Variants in DNAI7 observed in about 807,000 individuals in gnomAD.
The protein encoded by DNAI7 is cancer susceptibility 1.
DNAI7 carries 78 observed loss-of-function variants against 86.6 expected under a neutral mutation model. That is an observed-to-expected ratio of 0.90 (90% CI 0.75 to 1.09). The LOEUF (loss-of-function observed/expected upper bound fraction) is 1.09. Ranked by LOEUF, DNAI7 falls within the 50% of genes least tolerant of loss-of-function variation. DNAI7 has a pLI of 0.00. For synonymous variants in DNAI7, 274 were observed against 273.0 expected (o/e 1.00, Z -0.04); for missense variants, 753 against 810.2 (o/e 0.93, Z 0.86).
chr12:25,127,471 T>C (rs1942311058), intron 9 of DNAI7, among the ~76,000 whole-genome samples: 1 of 152,228 alleles, frequency 6.6e-6, no homozygotes, highest in African/African-American at 2.4e-5. Flanking sequence ...TAGTATTTTG[T>C]CAAGTCTCAA....
intron 13 of DNAI7, 126 bp downstream of exon 13, chr12:25,114,530 C>T: frequency 1.6e-6 from 1 of 609,032 alleles, no homozygotes; most frequent in Non-Finnish European, 2.9e-6. Flanking sequence ...TTTTTAAGGT[C>T]ATTATAAGAC....
chr12:25,167,425 C>A (rs1289715904), intron 2 of DNAI7, among the ~76,000 whole-genome samples: 1 of 152,132 alleles, frequency 6.6e-6, no homozygotes, highest in African/African-American at 2.4e-5. Context: ...AATACTTCCA[C>A]CCTGATGAAG....
In DNAI7 at chr12:25,155,315, G is replaced by T. The variant is rs923298950; in HGVS notation, c.296C>A (p.Ser99Tyr). 2 of 1,575,680 alleles carry T rather than the reference G, an allele frequency of 1.3e-6. No homozygotes were observed. Among genetic ancestry groups the T allele is most frequent in the Admixed American group, 1.7e-5 (1 of 58,808 alleles). The change falls in exon 5 of 16, where the codon TCT (serine) becomes TAT (tyrosine). Residue 99 changes from serine (S) to tyrosine (Y), a missense_variant. Coordinates refer to ENST00000395987, the MANE Select transcript of DNAI7 (RefSeq NM_018272.5). ...AAAAAGAGAAATCAGTCCTACCTGA[G>T]AAAGCAATTTAGTTTCCTGTTTCAA... ...EKLKQETKLL[S>Y]QWKHYIQCDG...
At chr12:25,162,052 T>C (rs367926388) in intron 2 of DNAI7, among the ~76,000 whole-genome samples, 2 of 152,152 alleles carry the variant, frequency 1.3e-5, no homozygotes, top group South Asian at 4.1e-4. Flanking sequence ...AGAGTGTTTA[T>C]AGAATAGATG....
chr12:25,169,072 TTTTA>T (rs1244310648), intron 2 of DNAI7, among the ~76,000 whole-genome samples: 1 of 152,164 alleles, frequency 6.6e-6, no homozygotes, highest in Non-Finnish European at 1.5e-5. Context: ...CACTATTTCA[TTTTA>T]TTTTTCTTAT....
In DNAI7 at chr12:25,129,916, C is replaced by T. The variant is rs531076587; in HGVS notation, c.1003-6630G>A. Among the ~76,000 whole-genome samples the T allele has an allele frequency of 2.0e-4, 30 of 152,128 alleles. 2 individuals are homozygous for T. In the South Asian group the frequency reaches 6.0e-3, roughly 31 times the overall value. ...TGGCTGGGATTACAGGTACCTGCCA[C>T]CATACCTGGCTAATTTTGTATTTTT... On this transcript the variant is annotated intron_variant, in intron 9 of 15. Transcript: ENST00000395987.
intron 2 of DNAI7, among the ~76,000 whole-genome samples, chr12:25,177,685 G>A (rs1456642789): frequency 1.3e-5 from 2 of 152,072 alleles, no homozygotes; most frequent in African/African-American, 4.8e-5. Context: ...TAAAACTGAT[G>A]GGTACGTACA....
chr12:25,147,251 T>C (rs956669405), intron 7 of DNAI7, 147 bp from the exon 8 acceptor site: 1 of 547,228 alleles, frequency 1.8e-6, no homozygotes, highest in African/African-American at 2.0e-5. Context: ...TCAATCAACA[T>C]GACAAAGAAT....
chr12:25,177,057 C>T (rs1348924023), intron 2 of DNAI7, among the ~76,000 whole-genome samples: 1 of 151,856 alleles, frequency 6.6e-6, no homozygotes, highest in African/African-American at 2.4e-5. Flanking sequence ...TGCCCACCAC[C>T]CTGCCTGGCT....
intron 2 of DNAI7, among the ~76,000 whole-genome samples, chr12:25,165,653 G>C (rs11614377): frequency 0.018 from 2,446 of 135,264 alleles, 56 homozygotes; most frequent in Non-Finnish European, 0.021. Flanking sequence ...GGAAGCCTAC[G>C]GGACCATCAC....
chr12:25,135,490 G>A (rs1308874776), intron 9 of DNAI7, among the ~76,000 whole-genome samples: 1 of 152,150 alleles, frequency 6.6e-6, no homozygotes, highest in African/African-American at 2.4e-5. Flanking sequence ...AACAGGGGAT[G>A]GGGGGCGGTG....
At chr12:25,150,327 G>A (rs983357811) in intron 6 of DNAI7, among the ~76,000 whole-genome samples, 20 of 152,216 alleles carry the variant, frequency 1.3e-4, no homozygotes, top group Non-Finnish European at 2.5e-4. Flanking sequence ...AATGGAGGCC[G>A]GGCGCAGTGG....
intron 1 of DNAI7, among the ~76,000 whole-genome samples, chr12:25,191,531 C>T (rs1039229046): frequency 2.6e-5 from 4 of 151,880 alleles, no homozygotes; most frequent in East Asian, 1.9e-4. Context: ...GGTGAAACCC[C>T]GTCTCTACTA....
At chr12:25,183,586 T>C (rs925604528) in intron 2 of DNAI7, among the ~76,000 whole-genome samples, 1 of 151,302 alleles carries the variant, frequency 6.6e-6, no homozygotes, top group Admixed American at 6.7e-5. Flanking sequence ...CCAACTTTTC[T>C]GTATTTAAAT....
intron 9 of DNAI7, among the ~76,000 whole-genome samples, chr12:25,141,671 A>G (rs1265992913): frequency 6.6e-6 from 1 of 152,156 alleles, no homozygotes; most frequent in Non-Finnish European, 1.5e-5. Flanking sequence ...TCTACTAAAA[A>G]TACAAAAAAT....
At chr12:25,185,925 A>C (rs1295877984) in intron 2 of DNAI7, 1 of 168,594 alleles carries the variant, frequency 5.9e-6, no homozygotes, top group Non-Finnish European at 1.2e-5. Flanking sequence ...TAAAGTATTA[A>C]AAGTTTTGTA....
In DNAI7 at chr12:25,195,101, T is replaced by C. The variant is rs369276664; in HGVS notation, c.-23A>G. The C allele has an allele frequency of 1.9e-6, 3 of 1,612,480 alleles. No homozygotes were observed. Among genetic ancestry groups the C allele is most frequent in the African/African-American group, 1.3e-5 (1 of 74,928 alleles). ...CATTAAGAGTCAAGCTCCACTGCAG[T>C]AGTCCGCAGAGTCGGAGCAGAAATT... On this transcript the variant is annotated 5_prime_UTR_variant, in exon 1 of 16. Coordinates refer to ENST00000395987, the MANE Select transcript of DNAI7 (RefSeq NM_018272.5).
At chr12:25,144,948 A>G (rs1361061082) in intron 8 of DNAI7, among the ~76,000 whole-genome samples, 1 of 151,928 alleles carries the variant, frequency 6.6e-6, no homozygotes, top group African/African-American at 2.4e-5. Flanking sequence ...CATCCCTTCA[A>G]TGTTGATATT....
intron 8 of DNAI7, among the ~76,000 whole-genome samples, chr12:25,146,599 CAAAA>C (rs55857702): frequency 7.1e-6 from 1 of 140,406 alleles, no homozygotes; most frequent in Non-Finnish European, 1.5e-5. Context: ...GACTGTGTCT[CAAAA>C]AAAAAAGAAA....
Sources: allele counts gnomAD v4.1 joint callset (sites outside exome capture counted in the v4.1 genomes callset), GRCh38; gene constraint gnomAD v4.1.1; transcripts MANE v1.5; gene names NCBI Gene and HGNC (gene_info 2026-07-23, HGNC 2026-07-21).